The following ACTR3C variants were observed in gnomAD, a reference collection of about 807,000 sequenced individuals.
ACTR3C encodes the protein actin-related protein 3C.
A neutral mutation model predicts 26.3 loss-of-function variants in ACTR3C; 18 were observed. The ratio of observed to expected loss-of-function variants is 0.68; its 90% CI spans 0.47 to 1.01. The LOEUF (loss-of-function observed/expected upper bound fraction) is 1.01. Ranked by LOEUF, ACTR3C falls within the 50% of genes least tolerant of loss-of-function variation. The pLI, the probability that ACTR3C is intolerant of heterozygous loss-of-function variation, is 0.00. For synonymous variants in ACTR3C, 55 were observed against 94.5 expected (o/e 0.58, Z 2.42); for missense variants, 184 against 250.7 (o/e 0.73, Z 1.80).
At chr7:150,158,234 T>C in the ACTR3C span, among the ~76,000 whole-genome samples, 3 of 152,044 alleles carry the variant, frequency 2.0e-5, no homozygotes, top group Non-Finnish European at 4.4e-5. Context: ...AACTGCATGC[T>C]GTTGGTGGGA....
intron 1 of ACTR3C, among the ~76,000 whole-genome samples, chr7:150,303,422 A>T (rs1795584925): frequency 6.6e-6 from 1 of 152,208 alleles, no homozygotes; most frequent in Non-Finnish European, 1.5e-5. Context: ...CTGCAAATTT[A>T]TTTAAGAAAA....
At chr7:149,990,001 A>G in the ACTR3C span, among the ~76,000 whole-genome samples, 1 of 152,116 alleles carries the variant, frequency 6.6e-6, no homozygotes, top group Admixed American at 6.5e-5. Context: ...CCTGCTTGAA[A>G]GCACTCGGCG....
the ACTR3C span, among the ~76,000 whole-genome samples, chr7:150,142,477 A>G: frequency 2.6e-4 from 39 of 152,288 alleles, 1 homozygote; most frequent in African/African-American, 9.1e-4. Flanking sequence ...GGAAAACAGA[A>G]GCAGTTATTG....
At chr7:150,039,267 CG>C in the ACTR3C span, among the ~76,000 whole-genome samples, 2 of 148,028 alleles carry the variant, frequency 1.4e-5, no homozygotes, top group East Asian at 2.1e-4. Flanking sequence ...ATCTCTGCCT[CG>C]GGGGGGTGCC....
the ACTR3C span, among the ~76,000 whole-genome samples, chr7:150,229,245 C>A: frequency 6.6e-6 from 1 of 151,914 alleles, no homozygotes; most frequent in Non-Finnish European, 1.5e-5. Context: ...TGAGAAGAAG[C>A]AACTTGTCTT....
chr7:150,148,837 C>A, the ACTR3C span, among the ~76,000 whole-genome samples: 10 of 151,896 alleles, frequency 6.6e-5, no homozygotes, highest in African/African-American at 1.9e-4. Flanking sequence ...CTTTTACAAA[C>A]AATGCTGCAG....
the ACTR3C span, among the ~76,000 whole-genome samples, chr7:149,956,446 G>A: frequency 6.6e-6 from 1 of 152,090 alleles, no homozygotes; most frequent in Non-Finnish European, 1.5e-5. Context: ...AAACCAAAAT[G>A]GATTCCTAAG....
the ACTR3C span, among the ~76,000 whole-genome samples, chr7:150,125,562 T>G: frequency 2.0e-5 from 3 of 151,800 alleles, no homozygotes; most frequent in Admixed American, 2.0e-4. Context: ...ATAAGTGAAA[T>G]AATTTTTTTT....
the ACTR3C span, among the ~76,000 whole-genome samples, chr7:150,035,262 G>C: frequency 7.5e-5 from 6 of 79,750 alleles, no homozygotes; most frequent in East Asian, 3.7e-4. Context: ...ACCAGGGGCT[G>C]GCTCTCAGTC....
At chr7:149,992,834 C>T in the ACTR3C span, among the ~76,000 whole-genome samples, 4 of 152,138 alleles carry the variant, frequency 2.6e-5, no homozygotes, top group South Asian at 2.1e-4. Flanking sequence ...TCTGCAAGCT[C>T]GGGAAGAGAG....
chr7:150,055,798 G>GA, the ACTR3C span, among the ~76,000 whole-genome samples: 1 of 151,444 alleles, frequency 6.6e-6, no homozygotes. Flanking sequence ...GAACTGCAAA[G>GA]AAAAAAAAGC....
chr7:150,137,623 AG>A, the ACTR3C span, among the ~76,000 whole-genome samples: 2 of 152,180 alleles, frequency 1.3e-5, no homozygotes, highest in African/African-American at 4.8e-5. Flanking sequence ...GTCTTCGCTC[AG>A]GGGTCTTTAA....
the ACTR3C span, among the ~76,000 whole-genome samples, chr7:150,056,559 A>T: frequency 6.6e-6 from 1 of 152,246 alleles, no homozygotes; most frequent in Non-Finnish European, 1.5e-5. Flanking sequence ...GAGAGGTACC[A>T]CCGAAATTGC....
At chr7:149,970,817 A>T in the ACTR3C span, among the ~76,000 whole-genome samples, 3 of 152,214 alleles carry the variant, frequency 2.0e-5, no homozygotes, top group Non-Finnish European at 2.9e-5. Flanking sequence ...AAAGATCCCT[A>T]CACCATGAAT....
the ACTR3C span, among the ~76,000 whole-genome samples, chr7:150,049,839 GA>G: frequency 6.6e-6 from 1 of 152,240 alleles, no homozygotes; most frequent in Non-Finnish European, 1.5e-5. Context: ...CCTTTACTAT[GA>G]AGAAACATGA....
At chr7:149,933,967 C>T in the ACTR3C span, among the ~76,000 whole-genome samples, 298 of 151,488 alleles carry the variant, frequency 2.0e-3, 2 homozygotes, top group Non-Finnish European at 1.5e-3. Context: ...GAGTTCCACT[C>T]GACCCTAGCA....
chr7:149,937,905 G>A, the ACTR3C span, among the ~76,000 whole-genome samples: 4 of 152,248 alleles, frequency 2.6e-5, no homozygotes, highest in East Asian at 7.7e-4. Context: ...TGGAGGAACT[G>A]AACCTAAGGT....
At chr7:150,185,842 G>A in the ACTR3C span, among the ~76,000 whole-genome samples, 27 of 152,142 alleles carry the variant, frequency 1.8e-4, no homozygotes, top group Admixed American at 1.3e-4. Context: ...TGTTCCTTAC[G>A]GGGCCCAGCC....
At chr7:150,260,341 A>G (rs567799299) in intron 6 of ACTR3C, among the ~76,000 whole-genome samples, 2 of 152,348 alleles carry the variant, frequency 1.3e-5, no homozygotes, top group East Asian at 3.9e-4. Context: ...GATTACAAGT[A>G]TGTCCAGATC....
Sources: gnomAD v4.1 joint callset for allele counts (sites outside exome capture counted in the v4.1 genomes callset) on GRCh38, gnomAD v4.1.1 for gene constraint, MANE v1.5 for transcripts, NCBI Gene and HGNC (gene_info 2026-07-23, HGNC 2026-07-21) for gene names.